The following TSG101 variants were observed in gnomAD, a reference collection of about 807,000 sequenced individuals.
TSG101 encodes the protein tumor susceptibility gene 101 protein.
In TSG101, 19 loss-of-function variants were observed where a neutral mutation model predicts 48.5. That is an observed-to-expected ratio of 0.39 (90% confidence interval 0.27 to 0.58). The LOEUF (loss-of-function observed/expected upper bound fraction) is 0.58. Among genes scored for constraint, TSG101 ranks in the 20% least tolerant of loss-of-function variants. The pLI is 0.55. For missense variants in TSG101, 365 were observed against 484.4 expected, an observed-to-expected ratio of 0.75 and a Z score of 2.31; for synonymous variants, 174 against 169.4, an observed-to-expected ratio of 1.03 and a Z score of -0.21.
In TSG101 at chr11:18,502,573, A is replaced by G. The variant is rs200933195; in HGVS notation, c.553T>C (p.Tyr185His). 1 of 1,611,782 alleles carries G rather than the reference A, an allele frequency of 6.2e-7. No individual in the cohort carries two copies. ...PSGYPPNPSG[Y>H]PGCPYPPGGP... is the part of the protein sequence containing the mutation. Reference sequence around the variant, plus strand: ...CCAGGTGGGTAAGGACAGCCTGGGTAACCACTAAAGACAAGAACAAAAAAC... The same window carrying G: ...CCAGGTGGGTAAGGACAGCCTGGGTGACCACTAAAGACAAGAACAAAAAAC... The change falls in exon 7 of 10, where the codon TAC becomes CAC. Residue 185 changes from tyrosine to histidine, a missense_variant. Tyr to His is a moderately conservative substitution (Grantham distance 83). Transcript: ENST00000251968.
intron 7 of TSG101, among the ~76,000 whole-genome samples, chr11:18,496,316 C>G (rs928643784): frequency 4.0e-5 from 6 of 151,448 alleles, no homozygotes; most frequent in Non-Finnish European, 8.8e-5. Flanking sequence ...GTGGCACATG[C>G]CTATAGTCTC....
intron 7 of TSG101, among the ~76,000 whole-genome samples, chr11:18,497,902 T>C (rs1444833487): frequency 2.0e-5 from 3 of 152,094 alleles, no homozygotes; most frequent in African/African-American, 4.8e-5. Context: ...AATAACCCTT[T>C]ATGGGGTGGG....
intron 1 of TSG101, chr11:18,525,632 T>C: frequency 1.0e-6 from 1 of 966,184 alleles, no homozygotes; most frequent in Non-Finnish European, 1.2e-6. Context: ...CAAAAAGTGA[T>C]ATATAAAAGT....
At chr11:18,502,226 TC>T (rs1266111387) in intron 7 of TSG101, among the ~76,000 whole-genome samples, 1 of 152,252 alleles carries the variant, frequency 6.6e-6, no homozygotes, top group East Asian at 1.9e-4. Flanking sequence ...TGCTAATAGT[TC>T]AACACATGTT....
intron 7 of TSG101, among the ~76,000 whole-genome samples, chr11:18,486,271 G>T (rs1399055464): frequency 6.6e-6 from 1 of 152,244 alleles, no homozygotes; most frequent in East Asian, 1.9e-4. Flanking sequence ...GGCCCAAGTG[G>T]GCCGAATGGG....
intron 7 of TSG101, among the ~76,000 whole-genome samples, chr11:18,490,006 G>A (rs1422524632): frequency 6.6e-6 from 1 of 152,172 alleles, no homozygotes; most frequent in African/African-American, 2.4e-5. Flanking sequence ...TAAACACACA[G>A]TAATCCTGTC....
intron 7 of TSG101, among the ~76,000 whole-genome samples, chr11:18,497,499 C>A (rs977294176): frequency 6.6e-6 from 1 of 152,170 alleles, no homozygotes; most frequent in African/African-American, 2.4e-5. Context: ...TCCACATATA[C>A]CATTTTCCAC....
intron 7 of TSG101, among the ~76,000 whole-genome samples, chr11:18,486,921 T>C (rs1849628013): frequency 6.6e-6 from 1 of 151,728 alleles, no homozygotes; most frequent in African/African-American, 2.4e-5. Flanking sequence ...ATATACACCA[T>C]GGAATACTAT....
chr11:18,494,027 T>G (rs930965209), intron 7 of TSG101, among the ~76,000 whole-genome samples: 2 of 151,988 alleles, frequency 1.3e-5, no homozygotes, highest in African/African-American at 4.8e-5. Flanking sequence ...AAGAAAAAAT[T>G]TAAAGAAAGC....
Position 18,491,722 on chromosome 11 carries a change from G to C in TSG101, c.641-7650C>G, listed in dbSNP as rs546670793. On this transcript the variant is annotated intron_variant, in intron 7 of 9. Coordinates refer to ENST00000251968, the MANE Select transcript of TSG101 (RefSeq NM_006292.4). ...ACTTGCAATGAGTGTCAGAAGTGCA[G>C]GTGGTTTTGTGAACTTCCAAACTTT... 7.9e-5 allele frequency among the ~76,000 whole-genome samples: 12 copies of C among 152,304 alleles called. No homozygotes were observed. The South Asian group carries it at 8.3e-4, about 11-fold the overall frequency.
intron 1 of TSG101, among the ~76,000 whole-genome samples, chr11:18,521,362 T>TCTTTTC (rs1406988645): frequency 6.3e-4 from 81 of 129,266 alleles, no homozygotes; most frequent in African/African-American, 2.4e-3. Flanking sequence ...CTGATTCCTT[T>TCTTTTC]TTTTTTTTTT....
At chr11:18,516,000 G>C in intron 3 of TSG101, 99 bp downstream of exon 3, 1 of 1,010,846 alleles carries the variant, frequency 9.9e-7, no homozygotes, top group Non-Finnish European at 1.4e-6. Context: ...CAGCATCAAA[G>C]CCCTGAGAAA....
chr11:18,513,888 A>G (rs537273387), intron 4 of TSG101, among the ~76,000 whole-genome samples: 2 of 152,254 alleles, frequency 1.3e-5, no homozygotes, highest in South Asian at 4.1e-4. Context: ...CAGCCTCACC[A>G]ACATGGTGAA....
At chr11:18,523,027 T>C (rs1850304306) in intron 1 of TSG101, among the ~76,000 whole-genome samples, 1 of 152,062 alleles carries the variant, frequency 6.6e-6, no homozygotes, top group African/African-American at 2.4e-5. Context: ...CCAGCTGGGA[T>C]TAGAGGTATG....
At chr11:18,498,845 AG>A (rs1430327500) in intron 7 of TSG101, among the ~76,000 whole-genome samples, 1 of 152,178 alleles carries the variant, frequency 6.6e-6, no homozygotes, top group Non-Finnish European at 1.5e-5. Context: ...GAGGAGACTA[AG>A]TATGAATACC....
At chr11:18,480,829 A>G (rs544443449) in intron 9 of TSG101, among the ~76,000 whole-genome samples, 194 bp from the exon 10 acceptor site, 1 of 152,254 alleles carries the variant, frequency 6.6e-6, no homozygotes, top group Admixed American at 6.5e-5. Flanking sequence ...AAAGCATTAC[A>G]TTGCAGGATC....
chr11:18,483,786 C>A, intron 8 of TSG101, 84 bp downstream of exon 8: 1 of 1,451,334 alleles, frequency 6.9e-7, no homozygotes, highest in Non-Finnish European at 9.5e-7. Context: ...CCTACTATGC[C>A]CACAACATCC....
intron 1 of TSG101, among the ~76,000 whole-genome samples, chr11:18,524,374 A>C (rs190076717): frequency 0.015 from 2,264 of 152,332 alleles, 56 homozygotes; most frequent in African/African-American, 0.051. Context: ...CCAGAGTACC[A>C]TGATGTGTGT....
chr11:18,520,173 A>C (rs1355678261), intron 1 of TSG101, among the ~76,000 whole-genome samples: 2 of 152,148 alleles, frequency 1.3e-5, no homozygotes, highest in African/African-American at 4.8e-5. Flanking sequence ...AAATTATTTC[A>C]CTTAGCATGT....
Sources: allele counts gnomAD v4.1 joint callset (sites outside exome capture counted in the v4.1 genomes callset), GRCh38; gene constraint gnomAD v4.1.1; transcripts MANE v1.5; gene names NCBI Gene and HGNC (gene_info 2026-07-23, HGNC 2026-07-21).